The following UTY variants were observed in gnomAD, a reference collection of about 807,000 sequenced individuals.
The protein encoded by UTY is ubiquitously transcribed tetratricopeptide repeat containing, Y-linked, also known as histone demethylase UTY.
A neutral mutation model predicts 32.5 loss-of-function variants in UTY; 12 were observed. That is an observed-to-expected ratio of 0.37 (90% CI 0.24 to 0.60). UTY has a LOEUF of 0.60. Among genes scored for constraint, UTY ranks in the 20% least tolerant of loss-of-function variants. The probability of loss-of-function intolerance (pLI) is 0.69; values close to 1 mark genes in which losing one functional copy is unlikely to be tolerated. For synonymous variants in UTY, 131 were observed against 103.4 expected (o/e 1.27, Z -1.62); for missense variants, 303 against 299.2 (o/e 1.01, Z -0.09).
At chrY:13,344,710 C>G in intron 17 of UTY, among the ~76,000 whole-genome samples, 1 of 33,502 alleles carries the variant, frequency 3.0e-5, no homozygotes, top group Non-Finnish European at 7.4e-5. Flanking sequence ...CAAATGGAAT[C>G]TGCATACAAC....
chrY:13,475,954 G>C, intron 2 of UTY: 1 of 86,737 alleles, frequency 1.2e-5, no homozygotes, highest in Admixed American at 2.8e-4. Context: ...CTTGAACCCA[G>C]AACACAGAGG....
chrY:13,478,937 A>T (rs771398806), intron 2 of UTY: 1 of 60,505 alleles, frequency 1.7e-5, no homozygotes, highest in South Asian at 4.7e-4. Context: ...GGAAGTTATG[A>T]ATTTTGAAAA....
chrY:13,337,566 G>A (rs781149743), intron 17 of UTY, among the ~76,000 whole-genome samples: 1 of 33,480 alleles, frequency 3.0e-5, no homozygotes, highest in Non-Finnish European at 7.4e-5. Context: ...ATTTATCTCA[G>A]AAAGCCAGTA....
At chrY:13,328,466 T>C (rs950697075) in intron 18 of UTY, among the ~76,000 whole-genome samples, 1 of 33,665 alleles carries the variant, frequency 3.0e-5, no homozygotes, top group Non-Finnish European at 7.4e-5. Flanking sequence ...TATCACTTAA[T>C]TTATTTGAAT....
intron 3 of UTY, among the ~76,000 whole-genome samples, chrY:13,462,944 C>T: frequency 3.3e-5 from 1 of 30,716 alleles, no homozygotes. Flanking sequence ...TATACATGTG[C>T]TATGTTGGTG....
intron 4 of UTY, among the ~76,000 whole-genome samples, chrY:13,446,619 T>TAGAC (rs1556515334): frequency 0.018 from 252 of 14,267 alleles, no homozygotes; most frequent in Admixed American, 0.034. Context: ...GATAGATAGA[T>TAGAC]AGACAGACAG....
At chrY:13,391,466 T>C in intron 8 of UTY, among the ~76,000 whole-genome samples, 1 of 32,932 alleles carries the variant, frequency 3.0e-5, no homozygotes, top group African/African-American at 1.2e-4. Context: ...AATCCCCATG[T>C]ACCATGGGAG....
chrY:13,369,658 C>A, intron 8 of UTY, among the ~76,000 whole-genome samples: 1 of 32,897 alleles, frequency 3.0e-5, no homozygotes, highest in Non-Finnish European at 7.5e-5. Flanking sequence ...CCCAGGCCAG[C>A]CATGTTTCAG....
intron 6 of UTY, among the ~76,000 whole-genome samples, chrY:13,405,832 GTTGT>G (rs2069851079): frequency 6.0e-5 from 2 of 33,159 alleles, no homozygotes; most frequent in Non-Finnish European, 7.5e-5. Flanking sequence ...TAAGGCCTGA[GTTGT>G]TTGTTATATG....
In UTY at chrY:13,299,003, A is replaced by G; in HGVS notation, c.3822T>C (p.Ala1274=). ...INAGTVHWVQ[A]VGWCNNIAWN... is the part of the protein sequence containing the mutation. ...AGGCAATGTTATTGCACCAGCCAAC[A>G]GCTTGAACCCAATGCACAGTGCCTG... The change falls in exon 26 of 30, where the codon GCT becomes GCC. Residue 1274 remains alanine (A), a synonymous_variant. Transcript: ENST00000545955. 2.5e-6 allele frequency: 1 copy of G among 394,320 alleles called. No homozygotes were observed. Among genetic ancestry groups the G allele is most frequent in the Non-Finnish European group, 3.5e-6 (1 of 282,349 alleles).
At chrY:13,436,777 G>C in intron 4 of UTY, among the ~76,000 whole-genome samples, 1 of 32,600 alleles carries the variant, frequency 3.1e-5, no homozygotes, top group African/African-American at 1.2e-4. Context: ...AGGGGCAACA[G>C]ATCAGCATGG....
intron 27 of UTY, among the ~76,000 whole-genome samples, chrY:13,290,320 G>C (rs2057693433): frequency 3.0e-5 from 1 of 33,046 alleles, no homozygotes; most frequent in African/African-American, 1.2e-4. Context: ...GAGGATAAAA[G>C]AGATATTACA....
At chrY:13,321,022 ACT>A (rs2059779172) in intron 21 of UTY, among the ~76,000 whole-genome samples, 1 of 32,767 alleles carries the variant, frequency 3.1e-5, no homozygotes, top group East Asian at 7.9e-4. Flanking sequence ...AATTCAACCA[ACT>A]CATAGGTATT....
At chrY:13,347,724 CA>C (rs2062040484) in intron 17 of UTY, among the ~76,000 whole-genome samples, 1 of 27,795 alleles carries the variant, frequency 3.6e-5, no homozygotes, top group Non-Finnish European at 8.6e-5. Context: ...GACTCTGTCT[CA>C]AAAAAAAAAG....
At chrY:13,420,703 C>T in intron 4 of UTY, among the ~76,000 whole-genome samples, 2 of 32,796 alleles carry the variant, frequency 6.1e-5, no homozygotes, top group Admixed American at 2.7e-4. Flanking sequence ...AAAGCTAAAA[C>T]TGAACCCCTT....
chrY:13,398,626 A>G, intron 6 of UTY, among the ~76,000 whole-genome samples: 1 of 33,567 alleles, frequency 3.0e-5, no homozygotes, highest in African/African-American at 1.2e-4. Context: ...AGATACTGCA[A>G]AGAAAAAAAA....
intron 17 of UTY, among the ~76,000 whole-genome samples, chrY:13,351,051 T>A: frequency 3.1e-5 from 1 of 31,994 alleles, no homozygotes; most frequent in Non-Finnish European, 7.5e-5. Flanking sequence ...CTGTGGCTTG[T>A]CTTGCTACAC....
intron 2 of UTY, among the ~76,000 whole-genome samples, chrY:13,476,674 G>A: frequency 6.0e-5 from 2 of 33,446 alleles, no homozygotes; most frequent in African/African-American, 2.3e-4. Context: ...AAGTTATTAA[G>A]CTTCAACCAA....
intron 27 of UTY, among the ~76,000 whole-genome samples, chrY:13,275,673 T>C (rs2056630009): frequency 3.0e-5 from 1 of 33,594 alleles, no homozygotes; most frequent in African/African-American, 1.2e-4. Context: ...TTAACAGAAA[T>C]ACTCTTTCAG....
Sources: allele counts gnomAD v4.1 joint callset (sites outside exome capture counted in the v4.1 genomes callset), GRCh38; gene constraint gnomAD v4.1.1; transcripts MANE v1.5; gene names NCBI Gene and HGNC (gene_info 2026-07-23, HGNC 2026-07-21).